The following TRAPPC9 variants were observed in gnomAD, a reference collection of about 807,000 sequenced individuals.
TRAPPC9 encodes the protein IKK2 binding protein.
TRAPPC9 carries 83 observed loss-of-function variants against 124.0 expected under a neutral mutation model. The ratio of observed to expected loss-of-function variants is 0.67; its 90% CI spans 0.56 to 0.80. The LOEUF is 0.80. Ranked by LOEUF, TRAPPC9 falls within the 30% of genes least tolerant of loss-of-function variation. The pLI, the probability that TRAPPC9 is intolerant of heterozygous loss-of-function variation, is 0.00. For synonymous variants in TRAPPC9, 638 were observed against 617.5 expected, an observed-to-expected ratio of 1.03 and a Z score of -0.49; for missense variants, 1,302 against 1,508.3, an observed-to-expected ratio of 0.86 and a Z score of 2.27.
chr8:140,259,787 G>C (rs2064356744), intron 15 of TRAPPC9, among the ~76,000 whole-genome samples: 1 of 152,202 alleles, frequency 6.6e-6, no homozygotes, highest in Non-Finnish European at 1.5e-5. Flanking sequence ...GTTAGGGTTA[G>C]CTGCCATCAG....
chr8:140,170,906 G>T (rs1022032808), intron 17 of TRAPPC9, among the ~76,000 whole-genome samples: 1 of 152,188 alleles, frequency 6.6e-6, no homozygotes, highest in Non-Finnish European at 1.5e-5. Context: ...CAGGTGACTG[G>T]GTCGTGAAGA....
intron 9 of TRAPPC9, among the ~76,000 whole-genome samples, chr8:140,321,256 C>T (rs1344507298): frequency 1.3e-5 from 2 of 152,242 alleles, no homozygotes; most frequent in African/African-American, 4.8e-5. Flanking sequence ...CCAAGTGAGG[C>T]AGACCCTGAG....
intron 17 of TRAPPC9, among the ~76,000 whole-genome samples, chr8:140,101,772 AC>A (rs2060585666): frequency 6.6e-6 from 1 of 150,956 alleles, no homozygotes; most frequent in African/African-American, 2.4e-5. Context: ...CAAACTCCTG[AC>A]CTCGGGTGAT....
intron 17 of TRAPPC9, among the ~76,000 whole-genome samples, chr8:140,195,674 G>A (rs1374846324): frequency 5.6e-5 from 8 of 142,176 alleles, no homozygotes; most frequent in Non-Finnish European, 1.1e-4. Context: ...TACACAGCTC[G>A]CACCTGTGAC....
rs113172257 is a variant in TRAPPC9 at position 140,356,391 on chromosome 8, G to A, written c.1495+3659C>T. Among the ~76,000 whole-genome samples, 186 of 152,226 alleles carry A rather than the reference G, an allele frequency of 1.2e-3. 1 individual carries two copies. The highest frequency in any genetic ancestry group is 4.3e-3 in the African/African-American group (180 of 41,518). On this transcript the variant is annotated intron_variant, in intron 9 of 22. Transcript: ENST00000438773. ...TCACATGTCTGGAGTGGAGACAGTC[G>A]GCTCATCAGCCTGACACAGAAGAGT...
intron 4 of TRAPPC9, among the ~76,000 whole-genome samples, chr8:140,428,854 A>G (rs2070522458): frequency 6.6e-6 from 1 of 152,172 alleles, no homozygotes. Context: ...TACACAAATG[A>G]TTAATGCAAA....
chr8:140,271,401 G>C (rs2064875583), intron 15 of TRAPPC9, among the ~76,000 whole-genome samples: 1 of 152,154 alleles, frequency 6.6e-6, no homozygotes, highest in Admixed American at 6.5e-5. Context: ...TTCATCCAAA[G>C]CCACCACTAA....
At chr8:140,088,174 C>T (rs1347407366) in intron 17 of TRAPPC9, among the ~76,000 whole-genome samples, 4 of 152,130 alleles carry the variant, frequency 2.6e-5, no homozygotes, top group Admixed American at 2.0e-4. Context: ...TATTTGTTCA[C>T]ATTCATACTT....
intron 21 of TRAPPC9, among the ~76,000 whole-genome samples, chr8:139,857,048 C>T (rs964320489): frequency 4.2e-5 from 4 of 94,184 alleles, no homozygotes; most frequent in Non-Finnish European, 6.0e-5. Context: ...GGAATCTGGG[C>T]GGGGGGAGCT....
chr8:139,927,408 C>T (rs1832880974), intron 19 of TRAPPC9, among the ~76,000 whole-genome samples: 5 of 152,114 alleles, frequency 3.3e-5, no homozygotes, highest in Admixed American at 3.3e-4. Flanking sequence ...CCACACCCAG[C>T]TAATGTTTTT....
chr8:139,861,912 C>G (rs1202208771), intron 21 of TRAPPC9, among the ~76,000 whole-genome samples: 1 of 98,402 alleles, frequency 1.0e-5, no homozygotes, highest in Non-Finnish European at 1.9e-5. Flanking sequence ...ATGGTCACCT[C>G]CCTGGAAAGG....
chr8:140,226,066 A>C (rs2063443484), intron 16 of TRAPPC9, among the ~76,000 whole-genome samples: 1 of 152,132 alleles, frequency 6.6e-6, no homozygotes, highest in Admixed American at 6.5e-5. Context: ...TCTGCCCAGC[A>C]TTTCTCGTTT....
At chr8:140,276,422 TC>T (rs1459706749) in intron 14 of TRAPPC9, among the ~76,000 whole-genome samples, 1 of 152,016 alleles carries the variant, frequency 6.6e-6, no homozygotes, top group African/African-American at 2.4e-5. Flanking sequence ...TGGGGCTCCA[TC>T]CTCACACCAG....
At chr8:140,092,493 G>A (rs888312274) in intron 17 of TRAPPC9, among the ~76,000 whole-genome samples, 12 of 152,082 alleles carry the variant, frequency 7.9e-5, no homozygotes, top group Admixed American at 2.0e-4. Flanking sequence ...CACCACGCGC[G>A]GCCACAGTGC....
intron 17 of TRAPPC9, among the ~76,000 whole-genome samples, chr8:140,041,890 T>G (rs914297924): frequency 1.3e-5 from 2 of 152,034 alleles, no homozygotes; most frequent in Non-Finnish European, 2.9e-5. Context: ...GAGAATTGCT[T>G]GAACCCAGGG....
At chr8:140,064,651 G>C (rs1842811985) in intron 17 of TRAPPC9, among the ~76,000 whole-genome samples, 1 of 152,210 alleles carries the variant, frequency 6.6e-6, no homozygotes, top group South Asian at 2.1e-4. Context: ...TGCAGCGGCA[G>C]GAAGCTGTGA....
intron 17 of TRAPPC9, among the ~76,000 whole-genome samples, chr8:140,090,177 T>A (rs961643655): frequency 2.6e-5 from 4 of 152,206 alleles, no homozygotes; most frequent in African/African-American, 9.6e-5. Flanking sequence ...CTGGCTATTA[T>A]AACATATGTA....
chr8:140,049,550 C>G (rs72685265), intron 17 of TRAPPC9, among the ~76,000 whole-genome samples: 7,918 of 151,940 alleles, frequency 0.052, 279 homozygotes, highest in Non-Finnish European at 0.074. Flanking sequence ...AGGGCTCCCC[C>G]CCCCGAGACC....
intron 17 of TRAPPC9, among the ~76,000 whole-genome samples, chr8:140,075,138 C>T (rs1402421208): frequency 1.3e-5 from 2 of 152,126 alleles, no homozygotes; most frequent in South Asian, 4.1e-4. Context: ...GGGCTCGGCC[C>T]CAGAGCAGGT....
Sources: gnomAD v4.1 joint callset for allele counts (sites outside exome capture counted in the v4.1 genomes callset) on GRCh38, gnomAD v4.1.1 for gene constraint, MANE v1.5 for transcripts, NCBI Gene and HGNC (gene_info 2026-07-23, HGNC 2026-07-21) for gene names.